The following CTCF variants were observed in gnomAD, a reference collection of about 807,000 sequenced individuals.
The protein encoded by CTCF is transcriptional repressor CTCF.
CTCF carries 7 observed loss-of-function variants against 72.3 expected under a neutral mutation model. The observed-to-expected ratio is 0.10, with a 90% CI of 0.06 to 0.18. The LOEUF (loss-of-function observed/expected upper bound fraction) is 0.18. Ranked by LOEUF, CTCF falls within the 10% of genes least tolerant of loss-of-function variation. CTCF has a pLI of 1.00. For synonymous variants in CTCF, 374 were observed against 315.8 expected, an observed-to-expected ratio of 1.18 and a Z score of -1.95; for missense variants, 516 against 949.1, an observed-to-expected ratio of 0.54 and a Z score of 6.00.
chr16:67,587,883 T>C (rs553048070), intron 2 of CTCF, among the ~76,000 whole-genome samples: 1 of 152,204 alleles, frequency 6.6e-6, no homozygotes, highest in South Asian at 2.1e-4. Context: ...TTTGTTTTGT[T>C]TTGAGACAGA....
At chr16:67,600,766 T>C (rs578233002) in intron 2 of CTCF, among the ~76,000 whole-genome samples, 8 of 152,224 alleles carry the variant, frequency 5.3e-5, no homozygotes, top group Admixed American at 2.0e-4. Flanking sequence ...ATACAAAATA[T>C]ATACCTTTAA....
intron 2 of CTCF, among the ~76,000 whole-genome samples, chr16:67,602,727 G>C (rs2051911485): frequency 6.6e-6 from 1 of 151,622 alleles, no homozygotes; most frequent in Non-Finnish European, 1.5e-5. Flanking sequence ...TGTAATCCCA[G>C]CTACTCGGGA....
Position 67,611,241 on chromosome 16 carries a change from G to T in CTCF, c.409G>T (p.Ala137Ser), listed in dbSNP as rs2052058074. The T allele has an allele frequency of 1.2e-6, 2 of 1,614,012 alleles. No homozygotes were observed. The highest frequency in any genetic ancestry group is 2.2e-5 in the South Asian group (2 of 91,086). The change falls in exon 3 of 12, where the codon GCT (alanine) becomes TCT (serine). Residue 137 changes from alanine to serine, a missense_variant. Ala to Ser is a moderately conservative substitution (Grantham distance 99, BLOSUM62 1). Coordinates refer to ENST00000264010, the MANE Select transcript of CTCF (RefSeq NM_006565.4). Reference protein sequence around the residue: ...ATTSVEELQGAYENEVSKEGL... With the variant: ...ATTSVEELQGSYENEVSKEGL... ...CACTTCAGTAGAAGAACTTCAGGGG[G>T]CTTATGAAAATGAAGTGTCTAAAGA...
intron 2 of CTCF, among the ~76,000 whole-genome samples, chr16:67,606,360 T>G (rs2051973188): frequency 6.6e-6 from 1 of 152,244 alleles, no homozygotes; most frequent in Admixed American, 6.5e-5. Context: ...TATGAAGCAT[T>G]TTTCTATCAC....
intron 4 of CTCF, among the ~76,000 whole-genome samples, chr16:67,613,399 C>A (rs1392004116): frequency 6.6e-6 from 1 of 152,220 alleles, no homozygotes; most frequent in Non-Finnish European, 1.5e-5. Context: ...ACATTCTTCA[C>A]TAATGTGACT....
intron 2 of CTCF, among the ~76,000 whole-genome samples, chr16:67,580,259 G>C (rs1046600541): frequency 6.6e-6 from 1 of 152,180 alleles, no homozygotes; most frequent in Non-Finnish European, 1.5e-5. Flanking sequence ...GCCCAGGCTA[G>C]AGTGCTGTGG....
At chr16:67,568,618 C>A (rs961462282) in intron 1 of CTCF, 1 of 152,278 alleles carries the variant, frequency 6.6e-6, no homozygotes, top group South Asian at 2.1e-4. Context: ...CGAACTCTAA[C>A]CTCATGATCC....
chr16:67,638,920 T>C lies in CTCF; in HGVS notation c.*1048T>C, dbSNP rs2052468345. 1 of 205,354 alleles carries C rather than the reference T, an allele frequency of 4.9e-6. No individual in the cohort carries two copies. The highest frequency in any genetic ancestry group is 1.0e-5 in the Non-Finnish European group (1 of 100,226). 12.7% of individuals were successfully genotyped at this position (205,354 alleles called of 1,614,324 possible). On this transcript the variant is annotated 3_prime_UTR_variant, in exon 12 of 12. Transcript: ENST00000264010. Reference sequence around the variant, plus strand: ...TCTTGCACATGAACTGTCACATGTTTAAAAATGTGTTTTTTAGAGAGCCTC... The same window carrying C: ...TCTTGCACATGAACTGTCACATGTTCAAAAATGTGTTTTTTAGAGAGCCTC...
chr16:67,594,677 G>A (rs28420625), intron 2 of CTCF, among the ~76,000 whole-genome samples: 1 of 152,114 alleles, frequency 6.6e-6, no homozygotes, highest in African/African-American at 2.4e-5. Flanking sequence ...ACAGTGTTTT[G>A]TTTTTCCATG....
At chr16:67,575,766 G>C (rs546253496) in intron 2 of CTCF, among the ~76,000 whole-genome samples, 3 of 152,066 alleles carry the variant, frequency 2.0e-5, no homozygotes, top group South Asian at 4.1e-4. Flanking sequence ...TATATATTTT[G>C]CATTAAACTG....
intron 2 of CTCF, among the ~76,000 whole-genome samples, chr16:67,595,265 C>A: frequency 6.6e-6 from 1 of 152,096 alleles, no homozygotes; most frequent in Non-Finnish European, 1.5e-5. Flanking sequence ...CCAAGCCATC[C>A]TCCTGCTTCA....
At chr16:67,570,364 G>A (rs1351961693) in intron 1 of CTCF, among the ~76,000 whole-genome samples, 1 of 152,094 alleles carries the variant, frequency 6.6e-6, no homozygotes, top group African/African-American at 2.4e-5. Flanking sequence ...ACAGGCGTAA[G>A]CCACTGCGCC....
At chr16:67,580,655 G>A (rs1597685975) in intron 2 of CTCF, among the ~76,000 whole-genome samples, 1 of 151,792 alleles carries the variant, frequency 6.6e-6, no homozygotes, top group African/African-American at 2.4e-5. Flanking sequence ...TCTGCTTCCC[G>A]GGTTCAAGTG....
chr16:67,622,258 A>G (rs936677989), intron 7 of CTCF, among the ~76,000 whole-genome samples: 6 of 151,866 alleles, frequency 4.0e-5, no homozygotes, highest in Admixed American at 6.6e-5. Context: ...CGGGAGGCTG[A>G]GGCAGGAGAA....
At chr16:67,563,841 G>A (rs2051310681) in intron 1 of CTCF, 1 of 152,186 alleles carries the variant, frequency 6.6e-6, no homozygotes, top group Admixed American at 6.5e-5. Flanking sequence ...AGGTGAAGGC[G>A]GTTCTGCCCC....
At chr16:67,610,030 A>G (rs926403977) in intron 2 of CTCF, among the ~76,000 whole-genome samples, 2 of 152,182 alleles carry the variant, frequency 1.3e-5, no homozygotes, top group Admixed American at 6.6e-5. Flanking sequence ...ATCCCAGCCC[A>G]GTAGTGACAA....
At chr16:67,600,404 A>T (rs1266747250) in intron 2 of CTCF, among the ~76,000 whole-genome samples, 2 of 151,624 alleles carry the variant, frequency 1.3e-5, no homozygotes, top group Admixed American at 1.3e-4. Context: ...ATGCCTGGCT[A>T]TATTTTGTAG....
chr16:67,623,308 T>A (rs2052230469), intron 7 of CTCF: 2 of 151,974 alleles, frequency 1.3e-5, no homozygotes, highest in African/African-American at 2.4e-5. Flanking sequence ...TTCTCTCCCC[T>A]CTTGGTCTCA....
At chr16:67,621,239 G>A (rs2142849005) in intron 6 of CTCF, 1 of 499,368 alleles carries the variant, frequency 2.0e-6, no homozygotes, top group East Asian at 2.9e-5. Flanking sequence ...GTAGAGCTGG[G>A]CAGAGCAGAG....
Sources: allele counts gnomAD v4.1 joint callset (sites outside exome capture counted in the v4.1 genomes callset), GRCh38; gene constraint gnomAD v4.1.1; transcripts MANE v1.5; gene names NCBI Gene and HGNC (gene_info 2026-07-23, HGNC 2026-07-21).